The following ZNF117 variants were observed in gnomAD, a reference collection of about 807,000 sequenced individuals.
ZNF117 encodes Krueppel-related zinc finger protein.
A neutral mutation model predicts 41.2 loss-of-function variants in ZNF117; 37 were observed. That is an observed-to-expected ratio of 0.90 (90% CI 0.69 to 1.18). The LOEUF (loss-of-function observed/expected upper bound fraction) is 1.18. Among genes scored for constraint, ZNF117 ranks in the 50% most tolerant of loss-of-function variants. The pLI, the probability that ZNF117 is intolerant of heterozygous loss-of-function variation, is 0.00. For missense variants in ZNF117, 546 were observed against 557.5 expected, an observed-to-expected ratio of 0.98 and a Z score of 0.21; for synonymous variants, 186 against 186.6, an observed-to-expected ratio of 1.00 and a Z score of 0.02.
intron 2 of ZNF117, chr7:64,981,032 A>G (rs1786011449): frequency 4.2e-6 from 1 of 240,936 alleles, no homozygotes; most frequent in Non-Finnish European, 8.0e-6. Flanking sequence ...ATGCAAAAAG[A>G]GAATTTAAAA....
chr7:64,977,154 T>C lies in ZNF117; in HGVS notation c.*965A>G, dbSNP rs538692821. The C allele has an allele frequency of 6.3e-6, 3 of 477,296 alleles. No individual in the cohort carries two copies. The Admixed American group carries it at 7.2e-5, about 11-fold the overall frequency. The allele number at this position is 477,296 out of a possible 1,614,324, so 29.6% of individuals were successfully genotyped here. ...ACATTCTTTACATTTGTACAGTTTC[T>C]CTCCAGTATGAATTACCTTATGTTT... On this transcript the variant is annotated 3_prime_UTR_variant, in exon 3 of 3. Coordinates refer to ENST00000620222, the Ensembl canonical transcript of ZNF117.
At chr7:64,985,950 CAAA>C (rs66524694), upstream of ZNF117, among the ~76,000 whole-genome samples, 2 of 82,170 alleles carry the variant, frequency 2.4e-5, no homozygotes, top group African/African-American at 5.3e-5. Context: ...GACTCCATCT[CAAA>C]AAAAAAAAAA....
Position 64,979,135 on chromosome 7 carries a change from A to AG in ZNF117, c.435dup (p.Phe146LeufsTer2), listed in dbSNP as rs534338862. 1.2e-4 allele frequency: 189 copies of AG among 1,610,294 alleles called. 1 individual carries two copies. The African/African-American group carries it at 1.9e-3, about 16-fold the overall frequency. On this transcript the variant is annotated frameshift_variant, in exon 3 of 3. Transcript: ENST00000620222. LOFTEE classifies it high-confidence loss of function. ...TTATTAAGGGTTGAGGACCAGTTAA[A>AG]GGCTCTTCCATATGCTTCACATTTG... is the stretch of plus-strand genomic sequence containing the variant.
exon 1 of ZNF117, chr7:64,981,991 C>T: frequency 1.5e-6 from 1 of 652,414 alleles, no homozygotes; most frequent in Admixed American, 2.4e-5. Flanking sequence ...TACCTTCACC[C>T]AAGAAAACCA....
At chr7:64,987,091 AACCACAC>A (rs1316221843), upstream of ZNF117, among the ~76,000 whole-genome samples, 6 of 152,168 alleles carry the variant, frequency 3.9e-5, no homozygotes, top group African/African-American at 1.4e-4. Context: ...AAATTATACC[AACCACAC>A]ACTCTGACCA....
At chr7:64,972,020 G>A (rs1785792760), downstream of ZNF117, 1 of 151,874 alleles carries the variant, frequency 6.6e-6, no homozygotes, top group Admixed American at 6.6e-5. Flanking sequence ...TTAAAAATGA[G>A]CAAAAGGCTT....
At chr7:64,978,383 T>C in exon 3 of ZNF117, 1 of 1,613,720 alleles carries the variant, frequency 6.2e-7, no homozygotes. Flanking sequence ...GGTGGAAAAC[T>C]TTGCCAGATT....
exon 3 of ZNF117, chr7:64,979,038 G>A: frequency 6.2e-7 from 1 of 1,613,184 alleles, no homozygotes; most frequent in Non-Finnish European, 8.5e-7. Context: ...AATAAGGTGT[G>A]AGGTCTGGTT....
intron 1 of ZNF117, among the ~76,000 whole-genome samples, chr7:64,988,061 T>G (rs1786173026): frequency 6.6e-6 from 1 of 152,072 alleles, no homozygotes; most frequent in Non-Finnish European, 1.5e-5. Flanking sequence ...TCTAAAACTA[T>G]TCCAAAAAAT....
chr7:64,979,679 T>C (rs1371110987), intron 2 of ZNF117, 143 bp from the exon 4 acceptor site: 2 of 554,596 alleles, frequency 3.6e-6, no homozygotes, highest in East Asian at 6.5e-5. Flanking sequence ...TTCATAGACA[T>C]ATAAATGTAA....
chr7:64,986,342 T>G (rs1205178892), upstream of ZNF117, among the ~76,000 whole-genome samples: 2 of 152,228 alleles, frequency 1.3e-5, no homozygotes, highest in Admixed American at 1.3e-4. Flanking sequence ...AGTACAAAAC[T>G]GTTATGTAAG....
chr7:64,978,180 TTA>T lies in ZNF117; in HGVS notation c.1389_1390del (p.His463GlnfsTer6), dbSNP rs1237481757. 8.1e-6 allele frequency: 13 copies of T among 1,612,756 alleles called. No homozygotes were observed. Among genetic ancestry groups the T allele is most frequent in the Admixed American group, 1.7e-5 (1 of 59,838 alleles). ...CTGTTTCTCTTCAGTATGAATTATC[TTA>T]TGTGTAGTAAGTGTTGAAGATTGGT... is the stretch of plus-strand genomic sequence containing the variant. On this transcript the variant is annotated frameshift_variant, in exon 3 of 3. Transcript: ENST00000620222. LOFTEE classifies it high-confidence loss of function.
exon 3 of ZNF117, chr7:64,978,079 C>G: frequency 6.3e-7 from 1 of 1,585,118 alleles, no homozygotes; most frequent in Non-Finnish European, 8.6e-7. Context: ...TAAGGTTTCT[C>G]TCCAGTATGA....
chr7:64,981,337 T>G (rs773114165), intron 2 of ZNF117, 50 bp downstream of exon 3: 1 of 1,605,158 alleles, frequency 6.2e-7, no homozygotes, highest in East Asian at 2.2e-5. Flanking sequence ...GGCCTTCTCC[T>G]TGGCCTTTGA....
Position 64,989,146 on chromosome 7 carries a change from TAC to T in ZNF117, c.-196+799_-196+800del, listed in dbSNP as rs148723682. Among the ~76,000 whole-genome samples, 20 of 148,624 alleles carry T rather than the reference TAC, an allele frequency of 1.3e-4. No individual in the cohort carries two copies. In the South Asian group the frequency reaches 1.5e-3, roughly 11 times the overall value. On this transcript the variant is annotated intron_variant, in intron 1 of 3. Transcript: ENST00000282869. The stretch of plus-strand genomic sequence containing the variant: ...GAGCCCGAATACCCAAGGCAATGTA[TAC>T]ACACACACACACACATATATACACA...
intron 2 of ZNF117, 82 bp from the exon 4 acceptor site, chr7:64,979,618 A>G (rs916785439): frequency 3.6e-6 from 4 of 1,122,480 alleles, no homozygotes; most frequent in Admixed American, 6.8e-5. Context: ...ATAAAGTTAC[A>G]GAAACTACAT....
intron 2 of ZNF117, 102 bp downstream of exon 3, chr7:64,981,285 T>C (rs930684727): frequency 1.7e-5 from 25 of 1,457,808 alleles, no homozygotes; most frequent in Non-Finnish European, 2.4e-5. Context: ...CCAGAAACTA[T>C]TTCCTTTGGA....
At chr7:64,989,556 A>G (rs1296404251) in intron 1 of ZNF117, among the ~76,000 whole-genome samples, 2 of 145,014 alleles carry the variant, frequency 1.4e-5, no homozygotes, top group Admixed American at 1.4e-4. Context: ...AAAAACTGGC[A>G]AAGATTTTAT....
chr7:64,973,862 G>A (rs867116458), downstream of ZNF117: 8 of 151,864 alleles, frequency 5.3e-5, no homozygotes, highest in African/African-American at 1.9e-4. Flanking sequence ...TGCACATGAA[G>A]AATCAATGTT....
Sources: gnomAD v4.1 joint callset for allele counts (sites outside exome capture counted in the v4.1 genomes callset) on GRCh38, gnomAD v4.1.1 for gene constraint, MANE v1.5 for transcripts, NCBI Gene and HGNC (gene_info 2026-07-23, HGNC 2026-07-21) for gene names.